CCSER1: variants seen among roughly 807,000 people sequenced by gnomAD.
CCSER1 encodes the protein serine-rich coiled-coil domain-containing protein 1.
CCSER1 carries 41 observed loss-of-function variants against 82.0 expected under a neutral mutation model. That is an observed-to-expected ratio of 0.50 (90% confidence interval 0.39 to 0.65). The LOEUF is 0.65. Ranked by LOEUF, CCSER1 falls within the 30% of genes least tolerant of loss-of-function variation. CCSER1 has a pLI of 0.00. For synonymous variants in CCSER1, 414 were observed against 383.9 expected, an observed-to-expected ratio of 1.08 and a Z score of -0.92; for missense variants, 1,119 against 1,064.2, an observed-to-expected ratio of 1.05 and a Z score of -0.72.
At chr4:90,327,453 C>T (rs1738425527) in intron 3 of CCSER1, among the ~76,000 whole-genome samples, 1 of 152,146 alleles carries the variant, frequency 6.6e-6, no homozygotes, top group African/African-American at 2.4e-5. Context: ...TAAAACACTG[C>T]CAAGTTTTCC....
At chr4:91,565,811 A>G (rs1222944883) in intron 10 of CCSER1, among the ~76,000 whole-genome samples, 1 of 151,890 alleles carries the variant, frequency 6.6e-6, no homozygotes, top group African/African-American at 2.4e-5. Flanking sequence ...AGGGTTTTCT[A>G]GATATAGAAT....
chr4:91,561,810 A>G (rs944106671), intron 10 of CCSER1, among the ~76,000 whole-genome samples: 1 of 151,506 alleles, frequency 6.6e-6, no homozygotes, highest in Admixed American at 6.6e-5. Flanking sequence ...TAGCTGTCAC[A>G]TATCTACTCC....
rs768263464 is a variant in CCSER1 at position 90,309,471 on chromosome 4, T to A, written c.1187T>A (p.Phe396Tyr). 6.2e-7 allele frequency: 1 copy of A among 1,613,848 alleles called. No individual in the cohort carries two copies. The highest frequency in any genetic ancestry group is 8.5e-7 in the Non-Finnish European group (1 of 1,179,794). Reference protein sequence around the residue: ...LGTNSPRKLGFYEQHKAIAEH... With the variant: ...LGTNSPRKLGYYEQHKAIAEH... ...ACAAACTCCCCAAGGAAACTTGGAT[T>A]TTATGAGCAACATAAAGCAATAGCG... The change falls in exon 2 of 11, where the codon TTT becomes TAT. Residue 396 changes from phenylalanine (F) to tyrosine (Y), a missense_variant. Phe to Tyr is a conservative substitution (Grantham distance 22). Transcript: ENST00000509176.
chr4:90,520,801 C>A (rs1773009100), intron 5 of CCSER1, among the ~76,000 whole-genome samples: 1 of 152,066 alleles, frequency 6.6e-6, no homozygotes, highest in Non-Finnish European at 1.5e-5. Flanking sequence ...AAACCTGGAG[C>A]AGTGGCATGT....
At chr4:90,399,120 T>G (rs534398615) in intron 3 of CCSER1, among the ~76,000 whole-genome samples, 6 of 152,220 alleles carry the variant, frequency 3.9e-5, no homozygotes, top group African/African-American at 9.6e-5. Context: ...ATTGTTAGTC[T>G]CTAATAAGTT....
At chr4:90,163,558 T>G (rs116353305) in intron 1 of CCSER1, among the ~76,000 whole-genome samples, 320 of 152,300 alleles carry the variant, frequency 2.1e-3, no homozygotes, top group Middle Eastern at 6.8e-3. Context: ...TCACACTGAT[T>G]CACTATTTGA....
intron 10 of CCSER1, among the ~76,000 whole-genome samples, chr4:91,409,066 G>A (rs1752875022): frequency 6.6e-6 from 1 of 152,054 alleles, no homozygotes; most frequent in Non-Finnish European, 1.5e-5. Flanking sequence ...CTGAAACTTA[G>A]ACAAATGTTA....
intron 10 of CCSER1, among the ~76,000 whole-genome samples, chr4:91,550,209 C>G (rs1017559371): frequency 6.6e-6 from 1 of 152,188 alleles, no homozygotes; most frequent in Non-Finnish European, 1.5e-5. Context: ...TTTCCCTCCT[C>G]TTGCTGGAAG....
At chr4:91,366,838 A>C (rs987896747) in intron 10 of CCSER1, among the ~76,000 whole-genome samples, 1 of 152,202 alleles carries the variant, frequency 6.6e-6, no homozygotes, top group African/African-American at 2.4e-5. Context: ...CACCACAATA[A>C]GCAATATATA....
intron 7 of CCSER1, among the ~76,000 whole-genome samples, chr4:90,762,947 T>C (rs1221434121): frequency 6.6e-6 from 1 of 151,768 alleles, no homozygotes; most frequent in Non-Finnish European, 1.5e-5. Context: ...GAGGAGACAG[T>C]GTGACAATGG....
chr4:90,826,936 C>T lies in CCSER1; in HGVS notation c.2094+11091C>T, dbSNP rs142707077. Among the ~76,000 whole-genome samples, 144 of 152,242 alleles carry T rather than the reference C, an allele frequency of 9.5e-4. No homozygotes were observed. The East Asian group carries it at 0.018, about 19-fold the overall frequency. ...ATAGTGTTACTGGCAAAGCCGGTCCCCCAGAAGTGGGGGGTCTTTCCCCGT... is the reference window on the plus strand; with the variant it reads ...ATAGTGTTACTGGCAAAGCCGGTCCTCCAGAAGTGGGGGGTCTTTCCCCGT... On this transcript the variant is annotated intron_variant, in intron 8 of 10. Coordinates refer to ENST00000509176, the MANE Select transcript of CCSER1 (RefSeq NM_001145065.2).
intron 10 of CCSER1, among the ~76,000 whole-genome samples, chr4:91,468,693 A>G (rs1210650950): frequency 6.6e-6 from 1 of 152,018 alleles, no homozygotes; most frequent in Non-Finnish European, 1.5e-5. Context: ...GTTAACATTA[A>G]TCATAAAAAT....
Position 90,627,944 on chromosome 4 carries a change from G to A in CCSER1, c.1725-81G>A, listed in dbSNP as rs539631820. ...ACAAGAAATACTTTCTAGGATACTA[G>A]AAACATTGATTAACAACTTGGGAAA... On this transcript the variant is annotated intron_variant, in intron 5 of 10. Transcript: ENST00000509176. The A allele has an allele frequency of 1.1e-5, 11 of 1,031,646 alleles. No individual in the cohort carries two copies. The African/African-American group carries it at 1.4e-4, about 13-fold the overall frequency. 63.9% of individuals were successfully genotyped at this position (1,031,646 alleles called of 1,614,324 possible).
intron 1 of CCSER1, among the ~76,000 whole-genome samples, chr4:90,195,931 C>T (rs1013742563): frequency 3.9e-5 from 6 of 152,076 alleles, no homozygotes; most frequent in East Asian, 3.9e-4. Flanking sequence ...TGAAAGTATT[C>T]GAAGTAATTT....
intron 6 of CCSER1, among the ~76,000 whole-genome samples, chr4:90,653,477 C>A (rs575747672): frequency 2.6e-5 from 4 of 151,614 alleles, no homozygotes; most frequent in Admixed American, 2.6e-4. Flanking sequence ...ATTGAAGAAC[C>A]AATGAGATAA....
intron 1 of CCSER1, among the ~76,000 whole-genome samples, chr4:90,225,945 A>C (rs1263099855): frequency 6.6e-6 from 1 of 152,322 alleles, no homozygotes; most frequent in Non-Finnish European, 1.5e-5. Flanking sequence ...AATGTGGTAT[A>C]AGTAATACTA....
intron 1 of CCSER1, among the ~76,000 whole-genome samples, chr4:90,161,209 T>C (rs924137200): frequency 1.3e-5 from 2 of 152,282 alleles, no homozygotes; most frequent in Admixed American, 6.5e-5. Context: ...TGATGATCTT[T>C]GGTTGGATTC....
chr4:90,387,598 TCAA>T (rs1750254314), intron 3 of CCSER1, among the ~76,000 whole-genome samples: 2 of 152,158 alleles, frequency 1.3e-5, no homozygotes, highest in East Asian at 3.9e-4. Flanking sequence ...GCAATATCAG[TCAA>T]CTTGGAGGCT....
chr4:91,163,479 A>T (rs1268656167), intron 10 of CCSER1, among the ~76,000 whole-genome samples: 1 of 152,048 alleles, frequency 6.6e-6, no homozygotes, highest in African/African-American at 2.4e-5. Flanking sequence ...CAATTCCTGG[A>T]TATCCTTGTT....
Sources: allele counts gnomAD v4.1 joint callset (sites outside exome capture counted in the v4.1 genomes callset), GRCh38; gene constraint gnomAD v4.1.1; transcripts MANE v1.5; gene names NCBI Gene and HGNC (gene_info 2026-07-23, HGNC 2026-07-21).